ANK3: variants seen among roughly 807,000 people sequenced by gnomAD.
ANK3 encodes the protein ankyrin-3.
A neutral mutation model predicts 370.9 loss-of-function variants in ANK3; 57 were observed. The observed-to-expected ratio is 0.15, with a 90% CI of 0.12 to 0.19. The LOEUF (loss-of-function observed/expected upper bound fraction) is 0.19. ANK3 is among the 10% of genes least tolerant of loss of function. ANK3 has a pLI of 1.00. For synonymous variants in ANK3, 1,929 were observed against 1,946.3 expected (o/e 0.99, Z 0.23); for missense variants, 4,439 against 5,302.1 (o/e 0.84, Z 5.06).
intron 1 of ANK3, among the ~76,000 whole-genome samples, chr10:60,333,623 C>A (rs542785832): frequency 9.9e-5 from 15 of 151,768 alleles, no homozygotes; most frequent in Admixed American, 3.3e-4. Flanking sequence ...TGTGCATGTG[C>A]CTTTACAGAA....
chr10:60,159,596 C>A (rs1015820594), intron 23 of ANK3, among the ~76,000 whole-genome samples: 4 of 152,016 alleles, frequency 2.6e-5, no homozygotes, highest in Non-Finnish European at 5.9e-5. Flanking sequence ...ACATTCTATC[C>A]AACACCTGTA....
chr10:60,239,961 A>T (rs1359747604), intron 7 of ANK3, among the ~76,000 whole-genome samples: 2 of 150,584 alleles, frequency 1.3e-5, no homozygotes, highest in Non-Finnish European at 3.0e-5. Flanking sequence ...ACATAAATAT[A>T]TATGCATTCT....
At chr10:60,498,979 A>G (rs2075728243) in intron 2 of ANK3, among the ~76,000 whole-genome samples, 1 of 152,240 alleles carries the variant, frequency 6.6e-6, no homozygotes. Flanking sequence ...AAGTCCAGTC[A>G]CATTATCTTC....
intron 2 of ANK3, among the ~76,000 whole-genome samples, chr10:60,464,909 C>T (rs1314087967): frequency 6.6e-6 from 1 of 152,162 alleles, no homozygotes; most frequent in Non-Finnish European, 1.5e-5. Flanking sequence ...CTTAGGCCTT[C>T]CAAAGCAAAT....
intron 2 of ANK3, among the ~76,000 whole-genome samples, chr10:60,575,249 C>A (rs895726890): frequency 1.3e-5 from 2 of 151,842 alleles, no homozygotes; most frequent in Non-Finnish European, 2.9e-5. Flanking sequence ...GTTGTTCGCC[C>A]ATTTCTTTGA....
chr10:60,705,192 T>C (rs1030810052), intron 1 of ANK3, among the ~76,000 whole-genome samples: 2 of 152,192 alleles, frequency 1.3e-5, no homozygotes, highest in Non-Finnish European at 2.9e-5. Flanking sequence ...CTGTTGTCTT[T>C]TGAGTTAAGT....
intron 1 of ANK3, among the ~76,000 whole-genome samples, chr10:60,654,266 C>G (rs1017029083): frequency 4.6e-5 from 7 of 152,136 alleles, no homozygotes; most frequent in African/African-American, 1.4e-4. Context: ...TACAAATAGA[C>G]AGTTTTACTT....
Position 60,279,243 on chromosome 10 carries a change from C to T in ANK3, c.217-95G>A, listed in dbSNP as rs2098129889. 8 of 1,046,148 alleles carry T rather than the reference C, an allele frequency of 7.6e-6. No individual in the cohort carries two copies. In the South Asian group the frequency reaches 7.8e-5, roughly 10 times the overall value. 64.8% of individuals were successfully genotyped at this position (1,046,148 alleles called of 1,614,324 possible). A position where few individuals can be genotyped will look rare whatever the true frequency, so the allele number is the denominator to read the frequency against. On this transcript the variant is annotated intron_variant, in intron 2 of 43. Transcript: ENST00000280772. ...CTCCTGAGATATTATAAAGTCCCAC[C>T]TGATGATCACTTGCATGTATGCTGT...
At chr10:60,661,584 C>T (rs2078936293) in intron 1 of ANK3, among the ~76,000 whole-genome samples, 1 of 152,134 alleles carries the variant, frequency 6.6e-6, no homozygotes, top group African/African-American at 2.4e-5. Flanking sequence ...ATTCCACTAA[C>T]TTTTATCCTA....
chr10:60,096,571 C>T (rs1358153721), intron 28 of ANK3, among the ~76,000 whole-genome samples: 1 of 152,144 alleles, frequency 6.6e-6, no homozygotes, highest in East Asian at 1.9e-4. Flanking sequence ...ACTAGGCAGA[C>T]CTGGAGTGAA....
At chr10:60,526,398 A>G (rs1335503533) in intron 2 of ANK3, among the ~76,000 whole-genome samples, 1 of 152,114 alleles carries the variant, frequency 6.6e-6, no homozygotes, top group African/African-American at 2.4e-5. Flanking sequence ...AAAATATAAC[A>G]TTATCCCTAA....
intron 43 of ANK3, among the ~76,000 whole-genome samples, chr10:60,040,006 A>G (rs1242847991): frequency 6.6e-6 from 1 of 152,228 alleles, no homozygotes; most frequent in East Asian, 1.9e-4. Context: ...AAAAGGTCAC[A>G]AGCAAAATTG....
At chr10:60,043,722 C>T in intron 42 of ANK3, 2 of 985,464 alleles carry the variant, frequency 2.0e-6, no homozygotes, top group Non-Finnish European at 2.4e-6. Flanking sequence ...CCTGTCCCAA[C>T]AGACACTCTG....
intron 2 of ANK3, among the ~76,000 whole-genome samples, chr10:60,537,806 A>G (rs1215541840): frequency 6.6e-6 from 1 of 151,974 alleles, no homozygotes; most frequent in African/African-American, 2.4e-5. Flanking sequence ...GCTATAGGCT[A>G]TAACTTAAAA....
At chr10:60,481,235 G>A (rs533263511) in intron 2 of ANK3, among the ~76,000 whole-genome samples, 1 of 152,200 alleles carries the variant, frequency 6.6e-6, no homozygotes, top group African/African-American at 2.4e-5. Context: ...ATCTTTCTAC[G>A]TGCCTGTGTC....
intron 2 of ANK3, among the ~76,000 whole-genome samples, chr10:60,399,439 G>A: frequency 6.6e-6 from 1 of 152,140 alleles, no homozygotes; most frequent in East Asian, 1.9e-4. Flanking sequence ...GGAAGGGCCA[G>A]ATGGTTTTGG....
intron 2 of ANK3, among the ~76,000 whole-genome samples, chr10:60,592,890 C>A (rs929278811): frequency 6.6e-6 from 1 of 152,176 alleles, no homozygotes. Context: ...CTAAATATAA[C>A]AAGAAGTTAT....
At chr10:60,043,317 A>T in intron 42 of ANK3, 17 of 985,360 alleles carry the variant, frequency 1.7e-5, no homozygotes, top group Non-Finnish European at 2.0e-5. Flanking sequence ...GTTTTTACCC[A>T]ATTTTTAACA....
At chr10:60,051,320 T>C (rs2077948851) in intron 42 of ANK3, among the ~76,000 whole-genome samples, 1 of 152,166 alleles carries the variant, frequency 6.6e-6, no homozygotes, top group Non-Finnish European at 1.5e-5. Flanking sequence ...GTTGTTGTTT[T>C]TACAAGCTTT....
Sources: allele counts gnomAD v4.1 joint callset (sites outside exome capture counted in the v4.1 genomes callset), GRCh38; gene constraint gnomAD v4.1.1; transcripts MANE v1.5; gene names NCBI Gene and HGNC (gene_info 2026-07-23, HGNC 2026-07-21).